LINC00305: variants seen among roughly 807,000 people sequenced by gnomAD.
LINC00305 encodes the protein long intergenic non-protein coding RNA 305.
At chr18:64,113,586 G>T (rs999451822) in intron 1 of LINC00305, among the ~76,000 whole-genome samples, 8 of 152,170 alleles carry the variant, frequency 5.3e-5, no homozygotes, top group Admixed American at 3.3e-4. Flanking sequence ...GCCCATGAGA[G>T]TGAGGAGACA....
At chr18:64,144,003 TCTC>T (rs1397148641) in intron 1 of LINC00305, among the ~76,000 whole-genome samples, 1 of 152,070 alleles carries the variant, frequency 6.6e-6, no homozygotes, top group African/African-American at 2.4e-5. Flanking sequence ...ACCACAAATT[TCTC>T]CTCTTTGTGA....
At chr18:64,086,467 G>T (rs931790849) in intron 3 of LINC00305, among the ~76,000 whole-genome samples, 3 of 152,170 alleles carry the variant, frequency 2.0e-5, no homozygotes, top group South Asian at 2.1e-4. Context: ...AACAAATAGA[G>T]AATTTCTTGA....
intron 1 of LINC00305, among the ~76,000 whole-genome samples, chr18:64,134,044 TC>T (rs1433623991): frequency 2.6e-5 from 4 of 152,220 alleles, no homozygotes; most frequent in Non-Finnish European, 1.5e-5. Context: ...GTATTAAACA[TC>T]GGAGGGGCTT....
At chr18:64,141,049 T>C (rs1310464958) in intron 1 of LINC00305, among the ~76,000 whole-genome samples, 1 of 46,906 alleles carries the variant, frequency 2.1e-5, no homozygotes, top group Non-Finnish European at 3.8e-5. Context: ...TCAGCCTGAA[T>C]GATAAAAAAA....
chr18:64,089,827 T>C (rs2051218137), intron 3 of LINC00305, among the ~76,000 whole-genome samples: 3 of 152,182 alleles, frequency 2.0e-5, no homozygotes, highest in Admixed American at 1.3e-4. Context: ...CTCCACCTTA[T>C]AAAACCATCA....
exon 4 of LINC00305, chr18:64,080,262 A>G: frequency 2.2e-6 from 1 of 455,126 alleles, no homozygotes; most frequent in South Asian, 1.6e-5. Flanking sequence ...CTAACTTGTC[A>G]TCTTCTCTGT....
chr18:64,103,697 T>C (rs1025579928), intron 1 of LINC00305, among the ~76,000 whole-genome samples: 1 of 152,226 alleles, frequency 6.6e-6, no homozygotes, highest in Non-Finnish European at 1.5e-5. Context: ...CCATGGCTGA[T>C]AACCAGCATT....
chr18:64,097,182 A>G (rs1022970597), intron 3 of LINC00305, among the ~76,000 whole-genome samples: 3 of 152,084 alleles, frequency 2.0e-5, no homozygotes, highest in Admixed American at 6.5e-5. Context: ...AGAAAGTTGT[A>G]ATATGTGTTT....
chr18:64,103,681 T>C (rs2051277130), intron 1 of LINC00305, among the ~76,000 whole-genome samples: 1 of 152,246 alleles, frequency 6.6e-6, no homozygotes. Flanking sequence ...TTTTTAATTC[T>C]AACCTCCATG....
chr18:64,097,939 G>A, exon 3 of LINC00305: 2 of 457,986 alleles, frequency 4.4e-6, no homozygotes, highest in South Asian at 3.1e-5. Context: ...GAAGGCTGCT[G>A]ACCAGTTTCC....
intron 3 of LINC00305, among the ~76,000 whole-genome samples, chr18:64,089,803 C>T (rs2051218013): frequency 6.6e-6 from 1 of 152,172 alleles, no homozygotes; most frequent in African/African-American, 2.4e-5. Flanking sequence ...AAAGAGAGAG[C>T]TTGTGCAGGG....
At chr18:64,108,666 A>C (rs947430930) in intron 1 of LINC00305, among the ~76,000 whole-genome samples, 1 of 152,204 alleles carries the variant, frequency 6.6e-6, no homozygotes, top group African/African-American at 2.4e-5. Flanking sequence ...TTACATATAC[A>C]GCCCCTAGGG....
intron 1 of LINC00305, among the ~76,000 whole-genome samples, chr18:64,109,781 C>T (rs543919884): frequency 1.3e-5 from 2 of 152,266 alleles, no homozygotes; most frequent in East Asian, 3.9e-4. Flanking sequence ...TTACTTTGTT[C>T]CGGCCGTTGG....
At chr18:64,094,812 G>T (rs2051238475) in intron 3 of LINC00305, among the ~76,000 whole-genome samples, 1 of 149,856 alleles carries the variant, frequency 6.7e-6, no homozygotes, top group African/African-American at 2.5e-5. Context: ...GCAGTGAGCT[G>T]CACTGTACTC....
intron 1 of LINC00305, among the ~76,000 whole-genome samples, chr18:64,118,834 G>A (rs1436324878): frequency 1.1e-4 from 12 of 110,886 alleles, no homozygotes; most frequent in African/African-American, 3.7e-4. Context: ...CTGTGTGTGT[G>A]TGTGTGTGTG....
chr18:64,147,834 G>A (rs1241568972), intron 1 of LINC00305, among the ~76,000 whole-genome samples: 1 of 152,100 alleles, frequency 6.6e-6, no homozygotes, highest in Non-Finnish European at 1.5e-5. Flanking sequence ...TATTGGTCAA[G>A]GACCAAGTCT....
intron 1 of LINC00305, among the ~76,000 whole-genome samples, chr18:64,108,745 A>G (rs963590374): frequency 2.0e-5 from 3 of 152,216 alleles, no homozygotes; most frequent in African/African-American, 7.2e-5. Context: ...TCACTGAGGA[A>G]CCAGCCCCAA....
intron 1 of LINC00305, among the ~76,000 whole-genome samples, chr18:64,143,102 G>A (rs2051472057): frequency 6.6e-6 from 1 of 152,166 alleles, no homozygotes; most frequent in African/African-American, 2.4e-5. Context: ...AGTAAACAGT[G>A]ACGTCAGCAT....
intron 3 of LINC00305, among the ~76,000 whole-genome samples, chr18:64,090,727 G>A (rs932353117): frequency 1.3e-5 from 2 of 151,954 alleles, no homozygotes; most frequent in African/African-American, 2.4e-5. Flanking sequence ...TTTGCTTTTC[G>A]ATGTTATAAG....
Sources: allele counts gnomAD v4.1 joint callset (sites outside exome capture counted in the v4.1 genomes callset), GRCh38; gene constraint gnomAD v4.1.1; transcripts MANE v1.5; gene names NCBI Gene and HGNC (gene_info 2026-07-23, HGNC 2026-07-21).